SFXN2: variants seen among roughly 807,000 people sequenced by gnomAD.
SFXN2 encodes the protein sideroflexin 2.
A neutral mutation model predicts 41.9 loss-of-function variants in SFXN2; 37 were observed. The observed-to-expected ratio is 0.88, with a 90% confidence interval of 0.68 to 1.16. SFXN2 has a LOEUF of 1.16. Among genes scored for constraint, SFXN2 ranks in the 50% most tolerant of loss-of-function variants. The pLI, the probability that SFXN2 is intolerant of heterozygous loss-of-function variation, is 0.00. For synonymous variants in SFXN2, 150 were observed against 156.7 expected (o/e 0.96, Z 0.32); for missense variants, 386 against 425.2 (o/e 0.91, Z 0.81).
At position 102,737,995 on chromosome 10, in the gene SFXN2, C is replaced by T. The variant is rs542826401; in HGVS notation, c.*233C>T. 2.4e-5 allele frequency: 7 copies of T among 290,906 alleles called. No individual in the cohort carries two copies. The South Asian group carries it at 4.9e-4, about 20-fold the overall frequency. 18.0% of individuals were successfully genotyped at this position (290,906 alleles called of 1,614,324 possible). A position where few individuals can be genotyped will look rare whatever the true frequency, so the allele number is the denominator to read the frequency against. ...CAATGTCTTCTAGCTGCTTCCTCAA[C>T]CCCTGTCCCCTGGAGACCAGAAGCT... On this transcript the variant is annotated 3_prime_UTR_variant, in exon 12 of 12. Transcript: ENST00000369893.
rs1399996202 is a variant in SFXN2 at position 102,737,712 on chromosome 10, G to A, written c.919G>A (p.Ala307Thr). 1 of 1,613,050 alleles carries A rather than the reference G, an allele frequency of 6.2e-7. No homozygotes were observed. Among genetic ancestry groups the A allele is most frequent in the South Asian group, 1.1e-5 (1 of 90,994 alleles). The change falls in exon 12 of 12, where the codon GCC becomes ACC. Residue 307 changes from alanine (A) to threonine (T), a missense_variant. Physicochemically the swap from Ala to Thr is moderately conservative, Grantham distance 58 (BLOSUM62 0). Transcript: ENST00000369893. ...ACCGAAGCTCCAAGACACTATCAAG[G>A]CCAAGTATGGAGAACTTGAGCCTTA... is the stretch of plus-strand genomic sequence containing the variant. The part of the protein sequence containing the change: ...LEPKLQDTIK[A>T]KYGELEPYVY...
intron 5 of SFXN2, 69 bp from the exon 6 acceptor site, chr10:102,729,654 C>T (rs2064669579): frequency 2.6e-5 from 38 of 1,485,468 alleles, no homozygotes; most frequent in South Asian, 6.8e-5. Context: ...GTATTCTAGT[C>T]GTTCAGCCCC....
intron 11 of SFXN2, among the ~76,000 whole-genome samples, chr10:102,736,224 G>A (rs1170175800): frequency 1.3e-5 from 2 of 151,914 alleles, no homozygotes; most frequent in Non-Finnish European, 2.9e-5. Flanking sequence ...TTATTAGGAA[G>A]CTCTCCTCTG....
At chr10:102,727,973 C>A (rs2064631374) in intron 3 of SFXN2, among the ~76,000 whole-genome samples, 1 of 151,998 alleles carries the variant, frequency 6.6e-6, no homozygotes, top group Non-Finnish European at 1.5e-5. Flanking sequence ...GGCAGAGGGG[C>A]CAGCCTGCGC....
In SFXN2 at chr10:102,741,755, A is replaced by G. The variant is rs2134017074; in HGVS notation, c.*3993A>G. 1 of 152,318 alleles carries G rather than the reference A, an allele frequency of 6.6e-6. No homozygotes were observed. 9.4% of individuals were successfully genotyped at this position (152,318 alleles called of 1,614,324 possible). On this transcript the variant is annotated 3_prime_UTR_variant, in exon 12 of 12. Transcript: ENST00000369893. ...CTAGCCTTTATGTGGAAGACTTACAACTTTTTGAGGCCAGGAATTAGAGAC... is the reference window on the plus strand; with the variant it reads ...CTAGCCTTTATGTGGAAGACTTACAGCTTTTTGAGGCCAGGAATTAGAGAC...
rs377233510 is a variant in SFXN2 at position 102,733,661 on chromosome 10, C to T, written c.821+58C>T. Reference sequence around the variant, plus strand: ...CGTGGCTGGAGCACTCAAGATGTGTCGTCTTGTCTAGCCCGTGTTGGAGAA... The same window carrying T: ...CGTGGCTGGAGCACTCAAGATGTGTTGTCTTGTCTAGCCCGTGTTGGAGAA... On this transcript the variant is annotated intron_variant, in intron 10 of 11. Transcript: ENST00000369893. The T allele has an allele frequency of 1.9e-5, 27 of 1,424,176 alleles. No individual in the cohort carries two copies. The African/African-American group carries it at 2.0e-4, about 10-fold the overall frequency. 88.2% of individuals were successfully genotyped at this position (1,424,176 alleles called of 1,614,324 possible).
intron 1 of SFXN2, chr10:102,725,082 C>T (rs1349765839): frequency 1.3e-5 from 2 of 152,180 alleles, no homozygotes; most frequent in African/African-American, 4.8e-5. Flanking sequence ...TGTCCTTGTT[C>T]TTATCTCCCT....
Position 102,727,129 on chromosome 10 carries a change from A to C in SFXN2, c.304A>C (p.Ile102Leu). The change falls in exon 3 of 12, where the codon ATC (isoleucine) becomes CTC (leucine). Residue 102 changes from isoleucine (I) to leucine (L), a missense_variant. Ile to Leu is a conservative substitution (Grantham distance 5). Transcript: ENST00000369893. ...MSFQLPGGMI[I>L]TGFMLQFYRT... ...TTTCCAGCTTCCTGGCGGCATGATC[A>C]TCACGGGCTTCATGCTCCAGTTCTA... is the stretch of plus-strand genomic sequence containing the variant. 2 of 1,605,232 alleles carry C rather than the reference A, an allele frequency of 1.2e-6. No homozygotes were observed. The highest frequency in any genetic ancestry group is 2.7e-5 in the African/African-American group (2 of 74,912).
Position 102,737,743 on chromosome 10 carries a change from A to G in SFXN2, c.950A>G (p.Tyr317Cys). Residue 317 changes from tyrosine to cysteine, a missense_variant, in exon 12 of 12, where the codon TAC (tyrosine) becomes TGC (cysteine). By Grantham distance (194) the Tyr-to-Cys change is radical. Coordinates refer to ENST00000369893, the MANE Select transcript of SFXN2 (RefSeq NM_178858.6). ...TATGGAGAACTTGAGCCTTATGTCT[A>G]CTTCAATAAGGGTCTCTAAATGCCC... Reference protein sequence around the residue: ...AKYGELEPYVYFNKGL With the variant: ...AKYGELEPYVCFNKGL 1 of 1,611,974 alleles carries G rather than the reference A, an allele frequency of 6.2e-7. No individual in the cohort carries two copies. Among genetic ancestry groups the G allele is most frequent in the Non-Finnish European group, 8.5e-7 (1 of 1,178,228 alleles).
In SFXN2 at chr10:102,727,146, C is replaced by T. The variant is rs1226851619; in HGVS notation, c.321C>T (p.Leu107=). ...GCATGATCATCACGGGCTTCATGCT[C>T]CAGTTCTACAGGTGGGACCTGGGGG... is the stretch of plus-strand genomic sequence containing the variant. The part of the protein sequence containing the change: ...PGGMIITGFM[L]QFYRTMPAVI... The change falls in exon 3 of 12, where the codon CTC becomes CTT. Residue 107 remains leucine (L), a synonymous_variant. Transcript: ENST00000369893. The T allele has an allele frequency of 1.3e-6, 2 of 1,599,708 alleles. No individual in the cohort carries two copies. The highest frequency in any genetic ancestry group is 2.7e-5 in the African/African-American group (2 of 74,638).
intron 1 of SFXN2, among the ~76,000 whole-genome samples, chr10:102,725,227 G>A (rs1283554020): frequency 6.6e-6 from 1 of 152,158 alleles, no homozygotes; most frequent in Non-Finnish European, 1.5e-5. Flanking sequence ...CTACAGTCCT[G>A]TGATGAGGTC....
rs1370516396 is a variant in SFXN2 at position 102,734,645 on chromosome 10, T to C, written c.821+1042T>C. 2.0e-5 allele frequency among the ~76,000 whole-genome samples: 3 copies of C among 152,202 alleles called. No individual in the cohort carries two copies. The highest frequency in any genetic ancestry group is 7.2e-5 in the African/African-American group (3 of 41,446). On this transcript the variant is annotated intron_variant, in intron 10 of 11. Coordinates refer to ENST00000369893, the MANE Select transcript of SFXN2 (RefSeq NM_178858.6). This position sits in a 1 kb window ranked among gnomAD's most constrained non-coding sequence, Gnocchi z 4.1. ...CTGGGTGCTTTACATACATATCTCA[T>C]TGAATCCTCACAGTAACCCTGCAAA...
intron 1 of SFXN2, among the ~76,000 whole-genome samples, chr10:102,716,906 T>C (rs944612507): frequency 1.1e-4 from 16 of 151,914 alleles, no homozygotes; most frequent in Non-Finnish European, 1.6e-4. Flanking sequence ...ATAGAGGACC[T>C]TGGGGAAGTA....
chr10:102,728,864 G>C (rs2064652470), intron 4 of SFXN2, among the ~76,000 whole-genome samples: 1 of 152,106 alleles, frequency 6.6e-6, no homozygotes, highest in African/African-American at 2.4e-5. Context: ...CTAGCGCTTT[G>C]GGAGGCTGAG....
At chr10:102,719,481 G>A (rs918949675) in intron 1 of SFXN2, among the ~76,000 whole-genome samples, 14 of 149,846 alleles carry the variant, frequency 9.3e-5, no homozygotes, top group South Asian at 4.3e-4. Context: ...CACCCGCCTC[G>A]GCCTCCCAAA....
intron 1 of SFXN2, among the ~76,000 whole-genome samples, chr10:102,725,358 T>G (rs2064576523): frequency 6.6e-6 from 1 of 152,184 alleles, no homozygotes; most frequent in South Asian, 2.1e-4. Flanking sequence ...CCAAGTCACT[T>G]AAGTTCTGGT....
chr10:102,721,305 A>G (rs1270666191), intron 1 of SFXN2, among the ~76,000 whole-genome samples: 1 of 152,014 alleles, frequency 6.6e-6, no homozygotes, highest in African/African-American at 2.4e-5. Flanking sequence ...CCTTGAGCCC[A>G]GGAGTTTGAG....
chr10:102,723,274 CAG>C lies in SFXN2; in HGVS notation c.-25-3335_-25-3334del, dbSNP rs1471613145. Among the ~76,000 whole-genome samples, 114 of 145,770 alleles carry C rather than the reference CAG, an allele frequency of 7.8e-4. 2 individuals carry two copies. Among genetic ancestry groups the C allele is most frequent in the Non-Finnish European group, 1.4e-3 (95 of 66,868 alleles). On this transcript the variant is annotated intron_variant, in intron 1 of 11. Coordinates refer to ENST00000369893, the MANE Select transcript of SFXN2 (RefSeq NM_178858.6). ...AGAAAGTTTTGTTTTTTTTTTTTGACAGAGTCTCACTCTGTCACCCAGGCTTG... is the reference window on the plus strand; with the variant it reads ...AGAAAGTTTTGTTTTTTTTTTTTGACAGTCTCACTCTGTCACCCAGGCTTG...
chr10:102,728,290 C>G (rs1435040309), intron 3 of SFXN2, 141 bp from the exon 4 acceptor site: 1 of 625,248 alleles, frequency 1.6e-6, no homozygotes, highest in Non-Finnish European at 2.8e-6. Context: ...CAGAGTGAGA[C>G]TCCGTCTCAA....
Sources: allele counts gnomAD v4.1 joint callset (sites outside exome capture counted in the v4.1 genomes callset), GRCh38; gene constraint gnomAD v4.1.1; non-coding constraint Gnocchi (gnomAD v3.1); transcripts MANE v1.5; gene names NCBI Gene and HGNC (gene_info 2026-07-23, HGNC 2026-07-21).